Variants in ZNF112 observed in about 807,000 individuals in gnomAD.
ZNF112 encodes zinc finger protein 112 (Y14).
In ZNF112, 37 loss-of-function variants were observed where a neutral mutation model predicts 77.7. The observed-to-expected ratio is 0.48, with a 90% CI of 0.37 to 0.63. The LOEUF (loss-of-function observed/expected upper bound fraction) is 0.63. ZNF112 is among the 20% of genes least tolerant of loss of function. The probability of loss-of-function intolerance (pLI) is 0.00; values close to 1 mark genes in which losing one functional copy is unlikely to be tolerated. For synonymous variants in ZNF112, 333 were observed against 363.6 expected, an observed-to-expected ratio of 0.92 and a Z score of 0.96; for missense variants, 950 against 1,077.4, an observed-to-expected ratio of 0.88 and a Z score of 1.66.
At chr19:44,351,048 CT>C (rs968884636) in intron 1 of ZNF112, among the ~76,000 whole-genome samples, 2 of 151,966 alleles carry the variant, frequency 1.3e-5, no homozygotes, top group African/African-American at 4.8e-5. Context: ...GTCAGCAGGG[CT>C]GGTTGCTTCT....
Position 44,327,886 on chromosome 19 carries a change from G to C in ZNF112, c.2271C>G (p.Arg757=), listed in dbSNP as rs1350295374. 2 of 1,612,970 alleles carry C rather than the reference G, an allele frequency of 1.2e-6. No homozygotes were observed. Among genetic ancestry groups the C allele is most frequent in the East Asian group, 4.5e-5 (2 of 44,766 alleles). Residue 757 remains arginine (R), a synonymous_variant, in exon 4 of 4, where the codon CGC becomes CGG. Coordinates refer to ENST00000354340, the MANE Select transcript of ZNF112 (RefSeq NM_013380.4). ...TGTGAACCCTCCGATGTGCTTCAAG[G>C]CGCGAACTCTGACTAAAGCCCTTCC... ...MCGKGFSQSS[R]LEAHRRVHTG... is the part of the protein sequence containing the mutation.
Position 44,344,943 on chromosome 19 carries a change from G to C in ZNF112, c.-3-4401C>G, listed in dbSNP as rs138316433. On this transcript the variant is annotated intron_variant, in intron 1 of 3. Coordinates refer to ENST00000354340, the MANE Select transcript of ZNF112 (RefSeq NM_013380.4). ...ACCACCCAAGAAGTTGGGACAATTT[G>C]TAACTCTTTTTACAGTTGAGAATAC... Among the ~76,000 whole-genome samples the C allele has an allele frequency of 1.6e-4, 25 of 152,282 alleles. No homozygotes were observed. The East Asian group carries it at 4.6e-3, about 28-fold the overall frequency.
At position 44,327,394 on chromosome 19, in the gene ZNF112, C is replaced by G. The variant is rs371581290; in HGVS notation, c.*39G>C. 18 of 1,503,938 alleles carry G rather than the reference C, an allele frequency of 1.2e-5. No individual in the cohort carries two copies. Among genetic ancestry groups the G allele is most frequent in the Non-Finnish European group, 1.5e-5 (17 of 1,119,194 alleles). 93.2% of individuals were successfully genotyped at this position (1,503,938 alleles called of 1,614,324 possible). On this transcript the variant is annotated 3_prime_UTR_variant, in exon 4 of 4. Transcript: ENST00000354340. ...AAAAATTCTTTTTCTACTGAAAGAA[C>G]TCTAGTGACTGGAAAATTTCAGCTC...
chr19:44,340,114 C>A (rs10408754), intron 2 of ZNF112, among the ~76,000 whole-genome samples: 12 of 151,854 alleles, frequency 7.9e-5, no homozygotes, highest in East Asian at 5.8e-4. Context: ...TTTAAAAAAA[C>A]CCCTCTAAAA....
rs1040309869 is a variant in ZNF112 at position 44,347,299 on chromosome 19, A to T, written c.-3-6757T>A. On this transcript the variant is annotated intron_variant, in intron 1 of 3. Coordinates refer to ENST00000354340, the MANE Select transcript of ZNF112 (RefSeq NM_013380.4). ...TTTAAATGGAGTTATTTTAGACCAC[A>T]TATACTTGGTTCTTGCTTTTTATCC... is the stretch of plus-strand genomic sequence containing the variant. 2.6e-5 allele frequency among the ~76,000 whole-genome samples: 4 copies of T among 152,044 alleles called. No homozygotes were observed. The East Asian group carries it at 7.7e-4, about 29-fold the overall frequency.
rs779575327 is a variant in ZNF112 at position 44,329,939 on chromosome 19, A to C, written c.221-3T>G. 6.2e-7 allele frequency: 1 copy of C among 1,604,036 alleles called. No homozygotes were observed. The highest frequency in any genetic ancestry group is 8.5e-7 in the Non-Finnish European group (1 of 1,173,816). Reference sequence around the variant, plus strand: ...CATCTTTTGTTGATTCTTCCTTCCTATAAGGATAAAGAGAATTCAGATGTG... The same window carrying C: ...CATCTTTTGTTGATTCTTCCTTCCTCTAAGGATAAAGAGAATTCAGATGTG... On this transcript the variant is annotated splice_polypyrimidine_tract_variant and splice_region_variant and intron_variant, in intron 3 of 3. Coordinates refer to ENST00000354340, the MANE Select transcript of ZNF112 (RefSeq NM_013380.4).
chr19:44,348,853 A>C lies in ZNF112; in HGVS notation c.-4+7773T>G, dbSNP rs564652582. Among the ~76,000 whole-genome samples the C allele has an allele frequency of 3.9e-5, 6 of 152,212 alleles. No individual in the cohort carries two copies. In the East Asian group the frequency reaches 1.2e-3, roughly 29 times the overall value. On this transcript the variant is annotated intron_variant, in intron 1 of 3. Transcript: ENST00000354340. ...GAAAAGAGGTCTTAAAGGCAAACAG[A>C]AAAAAAGGACGTAGTAAACCTAAGA...
At chr19:44,343,650 T>C (rs1365211406) in intron 1 of ZNF112, among the ~76,000 whole-genome samples, 1 of 152,228 alleles carries the variant, frequency 6.6e-6, no homozygotes. Context: ...AACCTGGTGC[T>C]ACCATATACT....
rs2123136300 is a variant in ZNF112 at position 44,328,681 on chromosome 19, T to C, written c.1476A>G (p.Pro492=). ...TGAAGCCATTCCCATGCTCCTTACGTGGTTTCTCTCCAATGTGAATTTTTG... is the reference window on the plus strand; with the variant it reads ...TGAAGCCATTCCCATGCTCCTTACGCGGTTTCTCTCCAATGTGAATTTTTG... ...GHPKIHIGEK[P]RKEHGNGFNW... The change falls in exon 4 of 4, where the codon CCA becomes CCG. Residue 492 remains proline (P), a synonymous_variant. Coordinates refer to ENST00000354340, the MANE Select transcript of ZNF112 (RefSeq NM_013380.4). 1 of 1,614,156 alleles carries C rather than the reference T, an allele frequency of 6.2e-7. No homozygotes were observed. Among genetic ancestry groups the C allele is most frequent in the Non-Finnish European group, 8.5e-7 (1 of 1,180,022 alleles).
intron 1 of ZNF112, among the ~76,000 whole-genome samples, chr19:44,350,373 G>A (rs1970670162): frequency 6.6e-6 from 1 of 152,008 alleles, no homozygotes; most frequent in Non-Finnish European, 1.5e-5. Flanking sequence ...TGTCTGAGCA[G>A]CAATGAAGTT....
chr19:44,337,600 T>C (rs1015534203), intron 2 of ZNF112, among the ~76,000 whole-genome samples: 2 of 149,176 alleles, frequency 1.3e-5, no homozygotes, highest in South Asian at 2.1e-4. Context: ...ATTGTCAACT[T>C]CCCCTCCCTA....
intron 3 of ZNF112, among the ~76,000 whole-genome samples, chr19:44,330,239 T>C (rs1970245631): frequency 6.6e-6 from 1 of 152,176 alleles, no homozygotes; most frequent in Admixed American, 6.6e-5. Context: ...GATGCTCAAC[T>C]GGTAAGTATA....
Position 44,328,955 on chromosome 19 carries a change from T to G in ZNF112, c.1202A>C (p.Lys401Thr), listed in dbSNP as rs758256861. 88 of 1,613,890 alleles carry G rather than the reference T, an allele frequency of 5.5e-5. No individual in the cohort carries two copies. The highest frequency in any genetic ancestry group is 6.7e-5 in the Non-Finnish European group (79 of 1,179,988). Residue 401 changes from lysine (K) to threonine (T), a missense_variant, in exon 4 of 4, where the codon AAA (lysine) becomes ACA (threonine). By Grantham distance (78) the Lys-to-Thr change is moderately conservative. This residue lies in a region of ZNF112 where 560 missense variants were observed against 557.3 expected (regional missense o/e 1.00). Coordinates refer to ENST00000354340, the MANE Select transcript of ZNF112 (RefSeq NM_013380.4). ...NQSSCLQVHQKIHTEEKLYTD... is the reference protein window; with the variant it reads ...NQSSCLQVHQTIHTEEKLYTD... ...GTATAGTTTCTCTTCAGTGTGGATTTTTTGATGGACTTGAAGACATGAACT... is the reference window on the plus strand; with the variant it reads ...GTATAGTTTCTCTTCAGTGTGGATTGTTTGATGGACTTGAAGACATGAACT...
intron 2 of ZNF112, among the ~76,000 whole-genome samples, chr19:44,339,325 G>A (rs1211067766): frequency 6.6e-6 from 1 of 152,144 alleles, no homozygotes; most frequent in Non-Finnish European, 1.5e-5. Context: ...GAAGCCTTGG[G>A]CCACACACCA....
At chr19:44,344,846 C>T (rs1970558688) in intron 1 of ZNF112, among the ~76,000 whole-genome samples, 1 of 152,100 alleles carries the variant, frequency 6.6e-6, no homozygotes, top group African/African-American at 2.4e-5. Flanking sequence ...GTATCTAGGG[C>T]AAGAGAGAAG....
intron 2 of ZNF112, among the ~76,000 whole-genome samples, chr19:44,337,840 TACACACACAC>T (rs71171235): frequency 0.031 from 1,473 of 47,482 alleles, 28 homozygotes; most frequent in South Asian, 0.083. Flanking sequence ...TACATACACA[TACACACACAC>T]ACACACACAC....
intron 1 of ZNF112, among the ~76,000 whole-genome samples, chr19:44,363,129 A>T (rs952196694): frequency 6.9e-6 from 1 of 145,562 alleles, no homozygotes; most frequent in Non-Finnish European, 1.5e-5. Flanking sequence ...CCAATCACAC[A>T]TGGCTAATTT....
chr19:44,341,223 T>A (rs763986810), intron 1 of ZNF112: 2 of 456,080 alleles, frequency 4.4e-6, no homozygotes, highest in Non-Finnish European at 8.8e-6. Flanking sequence ...TTTCATTATA[T>A]CTTCTATCCC....
Position 44,327,438 on chromosome 19 carries a change from A to T in ZNF112, c.2719T>A (p.Phe907Ile). The T allele has an allele frequency of 6.3e-7, 1 of 1,589,642 alleles. No homozygotes were observed. Among genetic ancestry groups the T allele is most frequent in the South Asian group, 1.1e-5 (1 of 87,610 alleles). Residue 907 changes from phenylalanine to isoleucine, a missense_variant, in exon 4 of 4, where the codon TTT becomes ATT. This residue lies in a region of ZNF112 where 373 missense variants were observed against 482.8 expected (regional missense o/e 0.77). Coordinates refer to ENST00000354340, the MANE Select transcript of ZNF112 (RefSeq NM_013380.4). ...TCAGCTCCCATTTGAGGACTTCAAA[A>T]CAAAACAGAATCTTCATTTCTGTGT... Reference protein sequence around the residue: ...NLHRNEDSVLF With the variant: ...NLHRNEDSVLI
Sources: gnomAD v4.1 joint callset for allele counts (sites outside exome capture counted in the v4.1 genomes callset) on GRCh38, gnomAD v4.1.1 for gene constraint, gnomAD v4.1.1 regional missense constraint, MANE v1.5 for transcripts, NCBI Gene and HGNC (gene_info 2026-07-23, HGNC 2026-07-21) for gene names.